The following ZFHX3 variants were observed in gnomAD, a reference collection of about 807,000 sequenced individuals.
The protein encoded by ZFHX3 is zinc finger homeobox 3, also known as zinc finger homeobox protein 3.
A neutral mutation model predicts 279.1 loss-of-function variants in ZFHX3; 42 were observed. The observed-to-expected ratio is 0.15, with a 90% CI of 0.12 to 0.19. The LOEUF is 0.19. Ranked by LOEUF, ZFHX3 falls within the 10% of genes least tolerant of loss-of-function variation. The pLI is 1.00. For missense variants in ZFHX3, 4,981 were observed against 4,754.0 expected, an observed-to-expected ratio of 1.05 and a Z score of -1.40; for synonymous variants, 2,293 against 1,957.8, an observed-to-expected ratio of 1.17 and a Z score of -4.52.
rs545879189 is a variant in ZFHX3, at chr16:73,884,425, T to C, written c.-1608+7226A>G. Among the ~76,000 whole-genome samples, 17 of 152,336 alleles carry C rather than the reference T, an allele frequency of 1.1e-4. 1 individual carries two copies. Among genetic ancestry groups the C allele is most frequent in the Admixed American group, 3.9e-4 (6 of 15,300 alleles). On this transcript the variant is annotated intron_variant, in intron 1 of 17. Coordinates refer to the ZFHX3 transcript ENST00000641206. ...GATATCTTTAAGACAACATATCAAA[T>C]ACCCAAATCTTACAGGAGTGTGGAG...
chr16:73,887,361 A>G (rs2030380216), intron 1 of ZFHX3, among the ~76,000 whole-genome samples: 1 of 152,220 alleles, frequency 6.6e-6, no homozygotes, highest in South Asian at 2.1e-4. Flanking sequence ...CTCCAAAGAA[A>G]AAGGTTTATA....
intron 1 of ZFHX3, among the ~76,000 whole-genome samples, chr16:73,742,742 CT>C (rs2053670613): frequency 6.6e-6 from 1 of 152,142 alleles, no homozygotes; most frequent in African/African-American, 2.4e-5. Context: ...CAGGGTTCCC[CT>C]TTTTTCTACA....
At chr16:73,630,733 G>C (rs1054022337) in intron 2 of ZFHX3, among the ~76,000 whole-genome samples, 1 of 152,240 alleles carries the variant, frequency 6.6e-6, no homozygotes, top group Non-Finnish European at 1.5e-5. Context: ...GGCAGAGAAA[G>C]AAGCAAGAAA....
intron 2 of ZFHX3, among the ~76,000 whole-genome samples, chr16:73,570,068 G>A (rs866530285): frequency 6.6e-6 from 1 of 152,094 alleles, no homozygotes; most frequent in South Asian, 2.1e-4. Context: ...CACTTCCCGG[G>A]TATACATTTT....
intron 2 of ZFHX3, among the ~76,000 whole-genome samples, chr16:73,515,361 G>A (rs1405814282): frequency 6.6e-6 from 1 of 152,114 alleles, no homozygotes; most frequent in Non-Finnish European, 1.5e-5. Flanking sequence ...GGATCCCTTA[G>A]TCACAAAGAT....
intron 5 of ZFHX3, among the ~76,000 whole-genome samples, chr16:73,252,963 A>G (rs1289747836): frequency 6.6e-6 from 1 of 152,238 alleles, no homozygotes; most frequent in Non-Finnish European, 1.5e-5. Context: ...AAAGCAGAGC[A>G]GGAAAGCAGT....
At chr16:73,632,804 C>T (rs1434784624) in intron 2 of ZFHX3, among the ~76,000 whole-genome samples, 2 of 152,016 alleles carry the variant, frequency 1.3e-5, no homozygotes, top group South Asian at 2.1e-4. Context: ...TGGCTGGGAA[C>T]GGTGGCTTAC....
At chr16:72,989,870 G>A (rs1033236822) in intron 1 of ZFHX3, among the ~76,000 whole-genome samples, 1 of 152,178 alleles carries the variant, frequency 6.6e-6, no homozygotes, top group Admixed American at 6.5e-5. Context: ...CAGCACCCAA[G>A]GGGTGGAAAT....
intron 1 of ZFHX3, among the ~76,000 whole-genome samples, chr16:73,855,115 T>C (rs80059353): frequency 1.6e-3 from 245 of 152,036 alleles, no homozygotes; most frequent in Non-Finnish European, 3.1e-3. Flanking sequence ...GAAATTAACA[T>C]GTACAGAAGG....
intron 5 of ZFHX3, among the ~76,000 whole-genome samples, chr16:73,235,171 G>A (rs1272023094): frequency 6.6e-6 from 1 of 152,166 alleles, no homozygotes; most frequent in South Asian, 2.1e-4. Context: ...CTAGGTTCAA[G>A]CAATTCTCCT....
rs556066731 is a variant in ZFHX3, at chr16:73,019,601, C to T, written c.-50+28151G>A. On this transcript the variant is annotated intron_variant, in intron 1 of 9. Coordinates refer to ENST00000268489, the MANE Select transcript of ZFHX3 (RefSeq NM_006885.4). ...CTACTGGGTGACCCCGCTCTGCTAT[C>T]CCCACCTTCACCCTGAGATGCACAG... is the stretch of plus-strand genomic sequence containing the variant. 3.3e-4 allele frequency among the ~76,000 whole-genome samples: 50 copies of T among 152,332 alleles called. 1 individual carries two copies. The highest frequency in any genetic ancestry group is 5.6e-4 in the Non-Finnish European group (38 of 68,028).
chr16:72,983,905 A>G (rs891422556), intron 1 of ZFHX3, among the ~76,000 whole-genome samples: 11 of 152,082 alleles, frequency 7.2e-5, no homozygotes, highest in Non-Finnish European at 1.5e-4. Context: ...TACTAAAGTC[A>G]TATCTTGCCA....
chr16:72,834,927 T>A (rs141573069), intron 4 of ZFHX3, among the ~76,000 whole-genome samples: 2,367 of 152,284 alleles, frequency 0.016, 19 homozygotes, highest in Middle Eastern at 0.048. Flanking sequence ...TGATTAAGAC[T>A]AGTCCCTCTG....
chr16:73,016,599 C>G (rs1964111324), intron 1 of ZFHX3, among the ~76,000 whole-genome samples: 1 of 152,006 alleles, frequency 6.6e-6, no homozygotes, highest in African/African-American at 2.4e-5. Flanking sequence ...AATAATAAAC[C>G]AACCCCAGAA....
chr16:73,291,492 C>A (rs2014769658), intron 4 of ZFHX3, among the ~76,000 whole-genome samples: 1 of 152,180 alleles, frequency 6.6e-6, no homozygotes, highest in African/African-American at 2.4e-5. Flanking sequence ...CACATTCTGG[C>A]AGAAAGAGAC....
intron 4 of ZFHX3, among the ~76,000 whole-genome samples, chr16:72,885,009 T>TG (rs1225157311): frequency 6.6e-6 from 1 of 152,186 alleles, no homozygotes; most frequent in Non-Finnish European, 1.5e-5. Flanking sequence ...AAATAAATTG[T>TG]GGGGATTGGA....
chr16:73,389,248 G>A (rs2016962324), intron 3 of ZFHX3: 1 of 151,982 alleles, frequency 6.6e-6, no homozygotes. Context: ...AGTTTTGCTG[G>A]AACACAGACC....
chr16:72,929,920 C>CT (rs1959695316), intron 3 of ZFHX3, among the ~76,000 whole-genome samples: 1 of 152,196 alleles, frequency 6.6e-6, no homozygotes, highest in Non-Finnish European at 1.5e-5. Flanking sequence ...GAAACGTTCA[C>CT]TTAAAAAAGA....
intron 2 of ZFHX3, among the ~76,000 whole-genome samples, chr16:73,575,475 G>T (rs1217136062): frequency 6.6e-6 from 1 of 152,164 alleles, no homozygotes; most frequent in Non-Finnish European, 1.5e-5. Flanking sequence ...GTTAACAGGT[G>T]CAGGATGAAA....
Sources: gnomAD v4.1 joint callset for allele counts (sites outside exome capture counted in the v4.1 genomes callset) on GRCh38, gnomAD v4.1.1 for gene constraint, MANE v1.5 for transcripts, NCBI Gene and HGNC (gene_info 2026-07-23, HGNC 2026-07-21) for gene names.